LPP: variants seen among roughly 807,000 people sequenced by gnomAD.
LPP encodes the protein LIM domain containing preferred translocation partner in lipoma.
LPP carries 38 observed loss-of-function variants against 60.4 expected under a neutral mutation model. The ratio of observed to expected loss-of-function variants is 0.63; its 90% CI spans 0.49 to 0.83. The LOEUF (loss-of-function observed/expected upper bound fraction) is 0.83. Among genes scored for constraint, LPP ranks in the 40% least tolerant of loss-of-function variants. LPP has a pLI of 0.00. For missense variants in LPP, 902 were observed against 783.6 expected (o/e 1.15, Z -1.80); for synonymous variants, 328 against 290.8 (o/e 1.13, Z -1.30).
intron 1 of LPP, among the ~76,000 whole-genome samples, chr3:188,202,091 C>G (rs1235776038): frequency 6.6e-6 from 1 of 151,878 alleles, no homozygotes; most frequent in Non-Finnish European, 1.5e-5. Context: ...AGATAAAGCA[C>G]TTGGACTTCC....
At chr3:188,240,073 T>C (rs779232619) in intron 2 of LPP, 8 of 197,240 alleles carry the variant, frequency 4.1e-5, no homozygotes, top group Admixed American at 1.2e-4. Flanking sequence ...GGTATTGCTG[T>C]CCTGTAGTTC....
intron 8 of LPP, among the ~76,000 whole-genome samples, chr3:188,757,764 C>G (rs926828377): frequency 2.0e-5 from 3 of 152,018 alleles, no homozygotes; most frequent in African/African-American, 7.3e-5. Flanking sequence ...GATTGGTAAT[C>G]CATTTACTCC....
chr3:188,203,814 G>A (rs1261095621), intron 1 of LPP, among the ~76,000 whole-genome samples: 1 of 150,994 alleles, frequency 6.6e-6, no homozygotes, highest in African/African-American at 2.4e-5. Flanking sequence ...TGGGGGAAGA[G>A]AGAGTGGTGT....
chr3:188,766,977 T>G (rs1227376754), intron 9 of LPP, among the ~76,000 whole-genome samples: 1 of 152,168 alleles, frequency 6.6e-6, no homozygotes, highest in African/African-American at 2.4e-5. Flanking sequence ...TACATAACAG[T>G]ATATCAAACT....
At chr3:188,556,341 G>T (rs1222928038) in intron 6 of LPP, among the ~76,000 whole-genome samples, 3 of 151,628 alleles carry the variant, frequency 2.0e-5, no homozygotes, top group East Asian at 1.9e-4. Flanking sequence ...AGTTTTTTTT[G>T]TTTGTTTGTT....
At chr3:188,696,033 AT>A (rs1863165043) in intron 7 of LPP, among the ~76,000 whole-genome samples, 1 of 152,194 alleles carries the variant, frequency 6.6e-6, no homozygotes, top group Non-Finnish European at 1.5e-5. Context: ...AGAAGAAATG[AT>A]TTCATGCATT....
chr3:188,496,030 T>C (rs1229538088), intron 5 of LPP, among the ~76,000 whole-genome samples: 1 of 152,220 alleles, frequency 6.6e-6, no homozygotes, highest in Non-Finnish European at 1.5e-5. Flanking sequence ...TTTATACCAA[T>C]CCTTGAGGGG....
rs1356330098 is a variant in LPP, at chr3:188,880,644, T to C, written c.*6165T>C. On this transcript the variant is annotated 3_prime_UTR_variant, in exon 12 of 12. Coordinates refer to ENST00000617246, the MANE Select transcript of LPP (RefSeq NM_001375462.1). ...ACTTAAGGGCCAGAGAAATCCTTATTCATTTAACTCTGGTGGGCATTTATG... is the reference window on the plus strand; with the variant it reads ...ACTTAAGGGCCAGAGAAATCCTTATCCATTTAACTCTGGTGGGCATTTATG... The C allele has an allele frequency of 5.3e-6, 1 of 187,692 alleles. No homozygotes were observed. Among genetic ancestry groups the C allele is most frequent in the African/African-American group, 2.3e-5 (1 of 42,762 alleles). 11.6% of individuals were successfully genotyped at this position (187,692 alleles called of 1,614,324 possible).
intron 4 of LPP, among the ~76,000 whole-genome samples, chr3:188,438,380 C>T (rs894196782): frequency 4.6e-5 from 7 of 151,822 alleles, no homozygotes; most frequent in African/African-American, 1.7e-4. Context: ...CACACACACA[C>T]ACACACACAC....
chr3:188,592,557 G>GTTTGTTTGTTTTTTTTTTTTTTTT (rs1260656926), intron 6 of LPP, among the ~76,000 whole-genome samples: 9 of 85,796 alleles, frequency 1.0e-4, no homozygotes, highest in South Asian at 5.7e-4. Flanking sequence ...TTTTGTTTTT[G>GTTTGTTTGTTTTTTTTTTTTTTTT]TTTTTTAAAT....
chr3:188,866,364 T>C lies in LPP; in HGVS notation c.1575T>C (p.Ile525=). The C allele has an allele frequency of 3.3e-6, 5 of 1,501,318 alleles. No individual in the cohort carries two copies. Among genetic ancestry groups the C allele is most frequent in the Non-Finnish European group, 2.7e-6 (3 of 1,117,658 alleles). The allele number at this position is 1,501,318 out of a possible 1,614,324, so 93.0% of individuals were successfully genotyped here. A position where few individuals can be genotyped will look rare whatever the true frequency, so the allele number is the denominator to read the frequency against. ...ATGCTGGCGGGCTCATTCACTGCAT[T>C]GAGGACTTCCACAAGTAGGCAACCT... ...TVDAGGLIHC[I]EDFHKKFAPR... Residue 525 remains isoleucine, a synonymous_variant, in exon 10 of 12, where the codon ATT becomes ATC. Coordinates refer to ENST00000617246, the MANE Select transcript of LPP (RefSeq NM_001375462.1).
At chr3:188,402,664 T>C (rs549053256) in intron 3 of LPP, among the ~76,000 whole-genome samples, 2 of 152,374 alleles carry the variant, frequency 1.3e-5, no homozygotes, top group East Asian at 3.9e-4. Flanking sequence ...CGTTCATTCA[T>C]TCTCCCATTT....
At chr3:188,415,535 A>C (rs1251751212) in intron 4 of LPP, among the ~76,000 whole-genome samples, 1 of 152,082 alleles carries the variant, frequency 6.6e-6, no homozygotes, top group Non-Finnish European at 1.5e-5. Flanking sequence ...AACACTGGAA[A>C]CAACCCAAAT....
rs1560030973 is a variant in LPP at position 188,664,491 on chromosome 3, T to C, written c.1114-43776T>C. Among the ~76,000 whole-genome samples, 2 of 152,342 alleles carry C rather than the reference T, an allele frequency of 1.3e-5. 1 individual carries two copies. Among genetic ancestry groups the C allele is most frequent in the East Asian group, 3.9e-4 (2 of 5,178 alleles). ...GTTCAAGTCCTGTGTATTCTAACAC[T>C]TTGATTTACTCAATGGCCTGATAGA... On this transcript the variant is annotated intron_variant, in intron 7 of 11. Transcript: ENST00000617246.
intron 2 of LPP, chr3:188,240,172 A>C (rs73190776): frequency 2.7e-5 from 5 of 184,148 alleles, no homozygotes; most frequent in East Asian, 2.6e-4. Flanking sequence ...GGTGGGGTTT[A>C]TGTGTAAATG....
chr3:188,271,995 G>T (rs1040544857), intron 2 of LPP, among the ~76,000 whole-genome samples: 3 of 152,126 alleles, frequency 2.0e-5, no homozygotes, highest in African/African-American at 7.2e-5. Context: ...GCTGCTTGTG[G>T]TCCCTTTCCT....
At chr3:188,522,467 G>A (rs150537599) in intron 5 of LPP, among the ~76,000 whole-genome samples, 1 of 152,040 alleles carries the variant, frequency 6.6e-6, no homozygotes, top group Non-Finnish European at 1.5e-5. Flanking sequence ...CTATGAGAAA[G>A]GTTACTGCCT....
intron 2 of LPP, among the ~76,000 whole-genome samples, chr3:188,249,184 A>G (rs1728184677): frequency 6.6e-6 from 1 of 152,182 alleles, no homozygotes; most frequent in Non-Finnish European, 1.5e-5. Flanking sequence ...GGATAGCTTG[A>G]GTCCAGGAGT....
intron 6 of LPP, among the ~76,000 whole-genome samples, chr3:188,571,841 G>A (rs1045637191): frequency 5.3e-5 from 8 of 152,172 alleles, no homozygotes; most frequent in East Asian, 1.9e-4. Flanking sequence ...ATACAGTTGC[G>A]GAGACATCAG....
Sources: allele counts gnomAD v4.1 joint callset (sites outside exome capture counted in the v4.1 genomes callset), GRCh38; gene constraint gnomAD v4.1.1; transcripts MANE v1.5; gene names NCBI Gene and HGNC (gene_info 2026-07-23, HGNC 2026-07-21).